PLAAT1: variants seen among roughly 807,000 people sequenced by gnomAD.
PLAAT1 encodes the protein H-REV107 protein-related protein.
In PLAAT1, 13 loss-of-function variants were observed where a neutral mutation model predicts 16.4. That is an observed-to-expected ratio of 0.79 (90% CI 0.52 to 1.26). The LOEUF (loss-of-function observed/expected upper bound fraction) is 1.26. PLAAT1 is among the 50% of genes most tolerant of loss of function. The pLI is 0.00. For missense variants in PLAAT1, 218 were observed against 207.8 expected (o/e 1.05, Z -0.30); for synonymous variants, 73 against 78.4 (o/e 0.93, Z 0.36).
chr3:193,260,522 TA>T (rs1336710321), intron 2 of PLAAT1, among the ~76,000 whole-genome samples: 2 of 151,916 alleles, frequency 1.3e-5, no homozygotes, highest in South Asian at 2.1e-4. Context: ...ATAATCTAAT[TA>T]AAAAATGGGC....
intron 2 of PLAAT1, among the ~76,000 whole-genome samples, chr3:193,258,819 C>CT (rs1716477137): frequency 6.6e-6 from 1 of 151,982 alleles, no homozygotes; most frequent in African/African-American, 2.4e-5. Flanking sequence ...AGCCAAATTC[C>CT]AGGAGGTGTA....
rs1401042920 is a variant in PLAAT1, at chr3:193,241,253, G to A, written c.-281G>A. 6 of 1,227,272 alleles carry A rather than the reference G, an allele frequency of 4.9e-6. No homozygotes were observed. Among genetic ancestry groups the A allele is most frequent in the Non-Finnish European group, 6.1e-6 (6 of 985,198 alleles). The allele number at this position is 1,227,272 out of a possible 1,614,324, so 76.0% of individuals were successfully genotyped here. On this transcript the variant is annotated 5_prime_UTR_variant, in exon 1 of 4. Coordinates refer to ENST00000264735, the MANE Select transcript of PLAAT1 (RefSeq NM_020386.5). The stretch of plus-strand genomic sequence containing the variant: ...GCCTCGTGCCGGCTCGGCAGCGCCC[G>A]GACGCCGAGCCCAGCGCGTCGGCCC...
At chr3:193,242,149 A>C (rs1173787310) in intron 1 of PLAAT1, among the ~76,000 whole-genome samples, 1 of 147,654 alleles carries the variant, frequency 6.8e-6, no homozygotes, top group Non-Finnish European at 1.5e-5. Context: ...ATCAGCTATC[A>C]TTAGAGTTAG....
upstream of PLAAT1, chr3:193,241,215 C>T (rs1027021551): frequency 2.5e-6 from 3 of 1,223,596 alleles, no homozygotes; most frequent in Non-Finnish European, 3.1e-6. Context: ...GCGGGCGGCT[C>T]CCCATGGTCA....
At chr3:193,255,813 C>T (rs1197194948) in intron 2 of PLAAT1, 24 bp downstream of exon 2, 11 of 1,546,254 alleles carry the variant, frequency 7.1e-6, no homozygotes, top group Non-Finnish European at 9.6e-6. Context: ...CCAGTGGCTC[C>T]TGGGAGCAAA....
chr3:193,268,392 A>G (rs1716852679), intron 3 of PLAAT1, among the ~76,000 whole-genome samples: 2 of 152,222 alleles, frequency 1.3e-5, no homozygotes, highest in Admixed American at 1.3e-4. Flanking sequence ...CTCCAGGTTC[A>G]GCTAATGTTT....
At chr3:193,276,778 G>C in intron 2 of PLAAT1, 1 of 1,613,212 alleles carries the variant, frequency 6.2e-7, no homozygotes, top group Non-Finnish European at 8.5e-7. Flanking sequence ...ACAGAATTGG[G>C]TGAGGGCTAC....
upstream of PLAAT1, chr3:193,241,164 G>C (rs1715716720): frequency 6.7e-6 from 8 of 1,190,744 alleles, no homozygotes; most frequent in Non-Finnish European, 8.4e-6. Context: ...GGGGCCAAGC[G>C]AGGTCTAGCC....
At chr3:193,250,841 C>T (rs1338847134) in intron 1 of PLAAT1, among the ~76,000 whole-genome samples, 1 of 152,058 alleles carries the variant, frequency 6.6e-6, no homozygotes, top group Non-Finnish European at 1.5e-5. Flanking sequence ...CCTATCCCCC[C>T]CACCCCCGCA....
At chr3:193,253,057 A>G (rs924362120) in intron 1 of PLAAT1, among the ~76,000 whole-genome samples, 2 of 152,042 alleles carry the variant, frequency 1.3e-5, no homozygotes, top group East Asian at 3.9e-4. Context: ...GTTCTATTTG[A>G]TATGTGTTTT....
chr3:193,270,092 A>ACACACACACACC (rs1716934190), intron 3 of PLAAT1, among the ~76,000 whole-genome samples: 1 of 151,992 alleles, frequency 6.6e-6, no homozygotes, highest in African/African-American at 2.4e-5. Context: ...ACACACACAC[A>ACACACACACACC]CACACACACA....
chr3:193,274,967 A>G (rs1331677867), downstream of PLAAT1: 1 of 1,548,994 alleles, frequency 6.5e-7, no homozygotes, highest in South Asian at 1.2e-5. Context: ...AGGGGAGAGT[A>G]TCATCACTTC....
downstream of PLAAT1, among the ~76,000 whole-genome samples, chr3:193,273,479 C>T (rs55930742): frequency 3.9e-5 from 6 of 152,066 alleles, no homozygotes; most frequent in East Asian, 3.9e-4. Flanking sequence ...TTTACAGTAG[C>T]GAATTTCATG....
downstream of PLAAT1, among the ~76,000 whole-genome samples, chr3:193,280,474 A>G (rs368280625): frequency 1.3e-5 from 2 of 152,210 alleles, no homozygotes; most frequent in Admixed American, 6.5e-5. Flanking sequence ...TCATGTATCA[A>G]CTGGACTGTG....
intron 2 of PLAAT1, among the ~76,000 whole-genome samples, chr3:193,261,034 TA>T: frequency 6.6e-6 from 1 of 152,322 alleles, no homozygotes; most frequent in South Asian, 2.1e-4. Context: ...TTCTGTATTT[TA>T]TAAATGTTTA....
chr3:193,253,063 G>A (rs1191960694), intron 1 of PLAAT1, among the ~76,000 whole-genome samples: 1 of 152,106 alleles, frequency 6.6e-6, no homozygotes, highest in African/African-American at 2.4e-5. Flanking sequence ...TTTGATATGT[G>A]TTTTGACATG....
At chr3:193,253,593 C>T (rs1056839390) in intron 1 of PLAAT1, among the ~76,000 whole-genome samples, 2 of 152,070 alleles carry the variant, frequency 1.3e-5, no homozygotes, top group Non-Finnish European at 2.9e-5. Flanking sequence ...TAAACAAAAT[C>T]AGGCTTATAT....
At chr3:193,275,878 T>G (rs778569083) in intron 2 of PLAAT1, among the ~76,000 whole-genome samples, 2 of 152,176 alleles carry the variant, frequency 1.3e-5, no homozygotes. Context: ...CCTTTAAAAA[T>G]TTTTATTTTA....
At chr3:193,258,614 T>G (rs368544430) in intron 2 of PLAAT1, among the ~76,000 whole-genome samples, 5 of 152,124 alleles carry the variant, frequency 3.3e-5, no homozygotes, top group African/African-American at 1.2e-4. Context: ...GAGACTATTA[T>G]GAACACTTCT....
Sources: gnomAD v4.1 joint callset for allele counts (sites outside exome capture counted in the v4.1 genomes callset) on GRCh38, gnomAD v4.1.1 for gene constraint, MANE v1.5 for transcripts, NCBI Gene and HGNC (gene_info 2026-07-23, HGNC 2026-07-21) for gene names.